Variants in EDN1 observed in about 807,000 individuals in gnomAD.
EDN1 encodes endothelin 1.
In EDN1, 11 loss-of-function variants were observed where a neutral mutation model predicts 21.7. The ratio of observed to expected loss-of-function variants is 0.51; its 90% CI spans 0.32 to 0.84. EDN1 has a LOEUF of 0.84. Among genes scored for constraint, EDN1 ranks in the 40% least tolerant of loss-of-function variants. The pLI is 0.03. For missense variants in EDN1, 244 were observed against 262.3 expected, an observed-to-expected ratio of 0.93 and a Z score of 0.48; for synonymous variants, 85 against 90.6, an observed-to-expected ratio of 0.94 and a Z score of 0.35.
the EDN1 span, among the ~76,000 whole-genome samples, chr6:12,258,385 G>A: frequency 2.8e-5 from 4 of 140,682 alleles, no homozygotes; most frequent in Non-Finnish European, 6.0e-5. Flanking sequence ...GGAGGTCAAG[G>A]CTGCCAGTGA....
rs1762711408 is a variant in EDN1 at position 12,292,519 on chromosome 6, T to C, written c.233+10T>C. The C allele has an allele frequency of 6.2e-7, 1 of 1,614,184 alleles. No individual in the cohort carries two copies. Among genetic ancestry groups the C allele is most frequent in the South Asian group, 1.1e-5 (1 of 91,090 alleles). On this transcript the variant is annotated intron_variant, in intron 2 of 4. Transcript: ENST00000379375. Reference sequence around the variant, plus strand: ...GGGTCAACACTCCCGAGTAAGTCTCTAGAGGGCATTGTAACCCTAGTCATT... The same window carrying C: ...GGGTCAACACTCCCGAGTAAGTCTCCAGAGGGCATTGTAACCCTAGTCATT...
the EDN1 span, among the ~76,000 whole-genome samples, chr6:12,260,284 C>T: frequency 1.3e-5 from 2 of 152,110 alleles, no homozygotes; most frequent in African/African-American, 4.8e-5. Flanking sequence ...TTCAAATAAT[C>T]TCCATGTTTT....
the EDN1 span, among the ~76,000 whole-genome samples, chr6:12,276,776 C>T: frequency 2.0e-5 from 3 of 152,200 alleles, no homozygotes; most frequent in African/African-American, 7.2e-5. Context: ...GTTCAAGGCT[C>T]CTGCTCAAAC....
rs2070699 is a variant in EDN1 at position 12,292,539 on chromosome 6, G to T, written c.233+30G>T. On this transcript the variant is annotated intron_variant, in intron 2 of 4. Coordinates refer to ENST00000379375, the MANE Select transcript of EDN1 (RefSeq NM_001955.5). ...GTCTCTAGAGGGCATTGTAACCCTA[G>T]TCATTCATTAGCGCTGGCTCCACTG... 0.45 allele frequency: 724,616 copies of T among 1,612,970 alleles called. 169,209 individuals are homozygous for T. Among genetic ancestry groups the T allele is most frequent in the East Asian group, 0.54 (24,264 of 44,846 alleles).
intron 4 of EDN1, among the ~76,000 whole-genome samples, chr6:12,294,959 G>T (rs971323586): frequency 7.6e-6 from 1 of 131,290 alleles, no homozygotes; most frequent in African/African-American, 2.8e-5. Context: ...AAATGTGTTT[G>T]GTGCAGAGCC....
the EDN1 span, among the ~76,000 whole-genome samples, chr6:12,285,313 T>G: frequency 6.6e-6 from 1 of 152,078 alleles, no homozygotes; most frequent in African/African-American, 2.4e-5. Context: ...CGTTAAAAAC[T>G]TTTTGGGATG....
chr6:12,254,416 A>C, the EDN1 span, among the ~76,000 whole-genome samples: 1 of 152,120 alleles, frequency 6.6e-6, no homozygotes, highest in Non-Finnish European at 1.5e-5. Flanking sequence ...GAGTGTTCCA[A>C]TAGAACCTTG....
the EDN1 span, among the ~76,000 whole-genome samples, chr6:12,247,407 G>A: frequency 3.9e-4 from 60 of 151,968 alleles, no homozygotes; most frequent in African/African-American, 1.2e-3. Flanking sequence ...TGCTGGTCTC[G>A]GAAATTTCAA....
chr6:12,250,022 C>T, the EDN1 span, among the ~76,000 whole-genome samples: 1 of 152,028 alleles, frequency 6.6e-6, no homozygotes, highest in African/African-American at 2.4e-5. Flanking sequence ...TGTACATATA[C>T]ACACACGCAT....
the EDN1 span, among the ~76,000 whole-genome samples, chr6:12,236,262 G>T: frequency 6.6e-6 from 1 of 151,252 alleles, no homozygotes; most frequent in Admixed American, 6.6e-5. Flanking sequence ...GGCTTCCAGT[G>T]AATGAGTAAT....
At chr6:12,251,215 A>G in the EDN1 span, among the ~76,000 whole-genome samples, 6 of 152,366 alleles carry the variant, frequency 3.9e-5, no homozygotes, top group African/African-American at 1.4e-4. Context: ...TAATTAACTA[A>G]TAAGTTATTT....
chr6:12,284,736 G>GA, the EDN1 span, among the ~76,000 whole-genome samples: 74 of 124,826 alleles, frequency 5.9e-4, 1 homozygote, highest in Non-Finnish European at 7.2e-4. Flanking sequence ...AGGAAGGAAG[G>GA]AAGGAAGGAA....
At chr6:12,259,432 A>G in the EDN1 span, among the ~76,000 whole-genome samples, 13 of 151,194 alleles carry the variant, frequency 8.6e-5, no homozygotes, top group South Asian at 2.7e-3. Context: ...TTATTATAAA[A>G]AGAAAGAACT....
the EDN1 span, among the ~76,000 whole-genome samples, chr6:12,239,468 T>G: frequency 1.3e-5 from 2 of 152,058 alleles, no homozygotes; most frequent in Non-Finnish European, 2.9e-5. Flanking sequence ...ACAAAAGAAA[T>G]GTGTAAGGCT....
upstream of EDN1, among the ~76,000 whole-genome samples, chr6:12,285,541 G>T (rs553460432): frequency 6.6e-6 from 1 of 151,988 alleles, no homozygotes; most frequent in East Asian, 1.9e-4. Flanking sequence ...GAGCATGTCT[G>T]TGTGGGCATA....
At chr6:12,254,277 C>T in the EDN1 span, among the ~76,000 whole-genome samples, 3 of 152,146 alleles carry the variant, frequency 2.0e-5, no homozygotes, top group Non-Finnish European at 4.4e-5. Flanking sequence ...GGGTGTTTCC[C>T]TCTGCCTGGT....
chr6:12,272,585 G>A, the EDN1 span, among the ~76,000 whole-genome samples: 4 of 151,346 alleles, frequency 2.6e-5, no homozygotes, highest in African/African-American at 9.7e-5. Context: ...AGCCTCCGGA[G>A]TAGCTGGGAT....
chr6:12,284,815 C>T, the EDN1 span, among the ~76,000 whole-genome samples: 9 of 151,762 alleles, frequency 5.9e-5, no homozygotes, highest in East Asian at 1.9e-4. Context: ...AGGTAGCTGC[C>T]GTATTTCTAT....
the EDN1 span, among the ~76,000 whole-genome samples, chr6:12,284,619 AAGAG>A: frequency 1.3e-4 from 20 of 151,062 alleles, no homozygotes; most frequent in Non-Finnish European, 2.5e-4. Flanking sequence ...AAAGGAAAGA[AAGAG>A]AGAAAGAAAG....
Sources: allele counts gnomAD v4.1 joint callset (sites outside exome capture counted in the v4.1 genomes callset), GRCh38; gene constraint gnomAD v4.1.1; transcripts MANE v1.5; gene names NCBI Gene and HGNC (gene_info 2026-07-23, HGNC 2026-07-21).